Variants in BMPR1B observed in about 807,000 individuals in gnomAD.
The protein encoded by BMPR1B is bone morphogenetic protein receptor type-1B.
A neutral mutation model predicts 59.1 loss-of-function variants in BMPR1B; 12 were observed. The observed-to-expected ratio is 0.20, with a 90% CI of 0.13 to 0.33. The LOEUF is 0.33. Ranked by LOEUF, BMPR1B falls within the 10% of genes least tolerant of loss-of-function variation. The probability of loss-of-function intolerance (pLI) is 1.00; values close to 1 mark genes in which losing one functional copy is unlikely to be tolerated. For missense variants in BMPR1B, 550 were observed against 610.9 expected (o/e 0.90, Z 1.05); for synonymous variants, 237 against 207.3 (o/e 1.14, Z -1.23).
intron 1 of BMPR1B, among the ~76,000 whole-genome samples, chr4:94,869,913 C>T (rs1295666432): frequency 1.3e-5 from 2 of 152,098 alleles, no homozygotes; most frequent in African/African-American, 4.8e-5. Context: ...TTGTGCACAG[C>T]ATAACAAGTA....
At chr4:95,129,376 C>T (rs1733139381) in intron 8 of BMPR1B, among the ~76,000 whole-genome samples, 1 of 151,984 alleles carries the variant, frequency 6.6e-6, no homozygotes, top group South Asian at 2.1e-4. Flanking sequence ...TCCTTCCTTC[C>T]CTCCCTCCTT....
chr4:95,016,311 G>A (rs1311024357), intron 3 of BMPR1B, among the ~76,000 whole-genome samples: 3 of 152,038 alleles, frequency 2.0e-5, no homozygotes, highest in Middle Eastern at 3.4e-3. Context: ...AAAGTTCTGC[G>A]TAACTCAGTG....
intron 1 of BMPR1B, among the ~76,000 whole-genome samples, chr4:94,865,732 C>A (rs1726202796): frequency 6.6e-6 from 1 of 152,160 alleles, no homozygotes; most frequent in South Asian, 2.1e-4. Flanking sequence ...TTCCCATTGC[C>A]TCTGGGTGAA....
At chr4:94,960,949 C>T (rs1730329841) in intron 2 of BMPR1B, among the ~76,000 whole-genome samples, 1 of 151,860 alleles carries the variant, frequency 6.6e-6, no homozygotes, top group South Asian at 2.1e-4. Flanking sequence ...GGCTCAAACT[C>T]AAGTTCATAT....
At chr4:95,007,972 A>G (rs1353101866) in intron 3 of BMPR1B, among the ~76,000 whole-genome samples, 1 of 152,212 alleles carries the variant, frequency 6.6e-6, no homozygotes, top group Non-Finnish European at 1.5e-5. Flanking sequence ...AAAACTGAGA[A>G]AAGAATTTAA....
At chr4:94,842,040 A>G (rs1325756174) in intron 1 of BMPR1B, among the ~76,000 whole-genome samples, 2 of 152,204 alleles carry the variant, frequency 1.3e-5, no homozygotes, top group African/African-American at 4.8e-5. Context: ...TGATACACTC[A>G]GGAGTTCCGT....
intron 2 of BMPR1B, among the ~76,000 whole-genome samples, chr4:94,992,935 T>C (rs1221907495): frequency 6.6e-6 from 1 of 152,086 alleles, no homozygotes; most frequent in Admixed American, 6.6e-5. Flanking sequence ...CAGGCTGGAG[T>C]CCAGGGGCAC....
At chr4:95,068,911 A>G (rs1315816532) in intron 3 of BMPR1B, among the ~76,000 whole-genome samples, 1 of 152,240 alleles carries the variant, frequency 6.6e-6, no homozygotes, top group East Asian at 1.9e-4. Context: ...GCTTTTGGAA[A>G]CTGGCACTTT....
At chr4:94,898,127 T>C (rs72887885) in intron 2 of BMPR1B, among the ~76,000 whole-genome samples, 5,171 of 151,580 alleles carry the variant, frequency 0.034, 293 homozygotes, top group African/African-American at 0.12. Context: ...TTTAAAAATT[T>C]TTTTCTAGAG....
intron 6 of BMPR1B, among the ~76,000 whole-genome samples, chr4:95,123,363 G>A (rs559576359): frequency 6.6e-6 from 1 of 152,086 alleles, no homozygotes; most frequent in Non-Finnish European, 1.5e-5. Flanking sequence ...TATACAACGA[G>A]TTATGTTTTA....
intron 10 of BMPR1B, among the ~76,000 whole-genome samples, chr4:95,144,139 T>G (rs1380920908): frequency 6.6e-6 from 1 of 152,140 alleles, no homozygotes; most frequent in Admixed American, 6.6e-5. Flanking sequence ...ATTGTAGACA[T>G]TTTCATTTTA....
At chr4:94,848,474 C>T (rs534138083) in intron 1 of BMPR1B, among the ~76,000 whole-genome samples, 70 of 152,238 alleles carry the variant, frequency 4.6e-4, no homozygotes, top group African/African-American at 1.5e-3. Flanking sequence ...GTGCCCAATG[C>T]GCTTGAAGAC....
intron 3 of BMPR1B, among the ~76,000 whole-genome samples, chr4:95,021,917 C>A (rs1347346): frequency 2.0e-5 from 3 of 152,342 alleles, no homozygotes; most frequent in Non-Finnish European, 4.4e-5. Flanking sequence ...TAGGAACTTA[C>A]GTGAGCAGTG....
intron 10 of BMPR1B, among the ~76,000 whole-genome samples, chr4:95,143,003 G>T (rs1157577436): frequency 6.6e-6 from 1 of 151,978 alleles, no homozygotes; most frequent in Admixed American, 6.6e-5. Flanking sequence ...TTTAATGCAT[G>T]ATAGTCAAGA....
chr4:95,109,412 T>C (rs1731447799), intron 4 of BMPR1B, among the ~76,000 whole-genome samples: 1 of 152,054 alleles, frequency 6.6e-6, no homozygotes, highest in Non-Finnish European at 1.5e-5. Flanking sequence ...TTACAAAGTT[T>C]GTGTTAACTC....
At chr4:94,970,019 T>G (rs1363361164) in intron 2 of BMPR1B, among the ~76,000 whole-genome samples, 1 of 152,230 alleles carries the variant, frequency 6.6e-6, no homozygotes, top group African/African-American at 2.4e-5. Flanking sequence ...TTTACTATTC[T>G]TCAGAGTTAT....
intron 10 of BMPR1B, among the ~76,000 whole-genome samples, chr4:95,139,056 T>C (rs1446306523): frequency 6.6e-6 from 1 of 152,146 alleles, no homozygotes; most frequent in Non-Finnish European, 1.5e-5. Context: ...TTATCTGCCT[T>C]TGGTCTTTGA....
At chr4:94,868,081 T>C (rs1390276721) in intron 1 of BMPR1B, among the ~76,000 whole-genome samples, 2 of 151,714 alleles carry the variant, frequency 1.3e-5, no homozygotes, top group Non-Finnish European at 2.9e-5. Flanking sequence ...CAGTCTAATC[T>C]AGAAGTTTTG....
chr4:95,100,503 T>C (rs542988479), intron 3 of BMPR1B, among the ~76,000 whole-genome samples: 2 of 152,156 alleles, frequency 1.3e-5, no homozygotes, highest in East Asian at 3.9e-4. Context: ...TGTCTGTTTG[T>C]CTACAGTGTT....
Sources: allele counts gnomAD v4.1 joint callset (sites outside exome capture counted in the v4.1 genomes callset), GRCh38; gene constraint gnomAD v4.1.1; transcripts MANE v1.5; gene names NCBI Gene and HGNC (gene_info 2026-07-23, HGNC 2026-07-21).